The following SIRT1 variants were observed in gnomAD, a reference collection of about 807,000 sequenced individuals.
The protein encoded by SIRT1 is sirtuin 1.
A neutral mutation model predicts 67.9 loss-of-function variants in SIRT1; 24 were observed. The observed-to-expected ratio is 0.35, with a 90% confidence interval of 0.26 to 0.50. The LOEUF (loss-of-function observed/expected upper bound fraction) is 0.50. Ranked by LOEUF, SIRT1 falls within the 20% of genes least tolerant of loss-of-function variation. The pLI is 0.98. For synonymous variants in SIRT1, 378 were observed against 350.7 expected, an observed-to-expected ratio of 1.08 and a Z score of -0.87; for missense variants, 873 against 937.2, an observed-to-expected ratio of 0.93 and a Z score of 0.89.
chr10:67,892,351 A>C (rs1379090400), intron 4 of SIRT1, among the ~76,000 whole-genome samples: 1 of 152,174 alleles, frequency 6.6e-6, no homozygotes, highest in African/African-American at 2.4e-5. Context: ...TGGGAGGATC[A>C]GTTGAGCCCA....
chr10:67,885,032 G>A lies in SIRT1; in HGVS notation c.311G>A (p.Gly104Glu). 1 of 1,378,128 alleles carries A rather than the reference G, an allele frequency of 7.3e-7. No individual in the cohort carries two copies. The highest frequency in any genetic ancestry group is 9.5e-7 in the Non-Finnish European group (1 of 1,056,736). 85.4% of individuals were successfully genotyped at this position (1,378,128 alleles called of 1,614,324 possible). Residue 104 changes from glycine (G) to glutamate (E), a missense_variant, in exon 1 of 9, where the codon GGG (glycine) becomes GAG (glutamate). Gly to Glu is a moderately conservative substitution (Grantham distance 98). Around this residue, in one of 3 missense-constraint regions of SIRT1, gnomAD observed 327 missense variants for 283.9 expected, o/e 1.15. Coordinates refer to ENST00000212015, the MANE Select transcript of SIRT1 (RefSeq NM_012238.5). ...GCGGCGGCTGGGGAAGGAGACAATG[G>A]GCCGGGCCTGCAGGGCCCATCTCGG... The part of the protein sequence containing the change: ...ATAAAGEGDN[G>E]PGLQGPSREP...
intron 7 of SIRT1, 38 bp downstream of exon 7, chr10:67,909,480 A>G (rs768430960): frequency 6.5e-7 from 1 of 1,546,818 alleles, no homozygotes; most frequent in East Asian, 2.3e-5. Context: ...ATTTCTATAT[A>G]TAATGTCATG....
intron 4 of SIRT1, among the ~76,000 whole-genome samples, chr10:67,894,190 T>C (rs891714512): frequency 1.3e-5 from 2 of 152,182 alleles, no homozygotes; most frequent in African/African-American, 4.8e-5. Flanking sequence ...GTGGGAAAAT[T>C]ATATTAATTC....
intron 4 of SIRT1, among the ~76,000 whole-genome samples, chr10:67,903,156 C>T (rs1034588478): frequency 5.9e-5 from 9 of 152,072 alleles, no homozygotes; most frequent in Non-Finnish European, 8.8e-5. Flanking sequence ...TCCATTGGCA[C>T]GATCATAGAG....
rs768615800 is a variant in SIRT1 at position 67,888,872 on chromosome 10, C to T, written c.548-10C>T. On this transcript the variant is annotated splice_polypyrimidine_tract_variant and intron_variant, in intron 2 of 8. Transcript: ENST00000212015. ...TAAGTTGACTTTAAGCCTTTTCCCCCTTATTGTAGGTCCATATACTTTTGT... is the reference window on the plus strand; with the variant it reads ...TAAGTTGACTTTAAGCCTTTTCCCCTTTATTGTAGGTCCATATACTTTTGT... 1 of 1,585,196 alleles carries T rather than the reference C, an allele frequency of 6.3e-7. No homozygotes were observed. The highest frequency in any genetic ancestry group is 1.3e-5 in the African/African-American group (1 of 74,190).
intron 4 of SIRT1, among the ~76,000 whole-genome samples, chr10:67,896,439 C>A (rs1042832561): frequency 1.3e-5 from 2 of 152,172 alleles, no homozygotes; most frequent in African/African-American, 4.8e-5. Context: ...CCACTGCACC[C>A]GGCCTTGGGC....
At position 67,909,394 on chromosome 10, in the gene SIRT1, A is replaced by G. The variant is rs1257460794; in HGVS notation, c.1309A>G (p.Ile437Val). ...KYDKDEVDLL[I>V]VIGSSLKVRP... ...TGACAAAGATGAAGTTGACCTCCTC[A>G]TTGTTATTGGGTCTTCCCTCAAAGT... Residue 437 changes from isoleucine (I) to valine (V), a missense_variant, in exon 7 of 9, where the codon ATT (isoleucine) becomes GTT (valine). Coordinates refer to ENST00000212015, the MANE Select transcript of SIRT1 (RefSeq NM_012238.5). The G allele has an allele frequency of 1.2e-6, 2 of 1,613,270 alleles. No individual in the cohort carries two copies. The highest frequency in any genetic ancestry group is 2.2e-5 in the East Asian group (1 of 44,866).
chr10:67,888,846 A>T (rs373356286), intron 2 of SIRT1, 36 bp from the exon 3 acceptor site: 5 of 1,557,590 alleles, frequency 3.2e-6, no homozygotes, highest in Non-Finnish European at 4.3e-6. Context: ...GAATTACTTG[A>T]TAAGTTGACT....
At chr10:67,891,986 C>T (rs1304458531) in intron 4 of SIRT1, among the ~76,000 whole-genome samples, 2 of 152,138 alleles carry the variant, frequency 1.3e-5, no homozygotes, top group African/African-American at 4.8e-5. Flanking sequence ...TGGGAAGATT[C>T]TTGGGTTGCA....
At chr10:67,893,033 C>T (rs760659675) in intron 4 of SIRT1, among the ~76,000 whole-genome samples, 3 of 152,192 alleles carry the variant, frequency 2.0e-5, no homozygotes, top group Non-Finnish European at 4.4e-5. Flanking sequence ...GAGATTGAGT[C>T]ATTAGAAAAC....
At chr10:67,891,050 A>G (rs561815510) in intron 3 of SIRT1, among the ~76,000 whole-genome samples, 1 of 151,992 alleles carries the variant, frequency 6.6e-6, no homozygotes, top group South Asian at 2.1e-4. Flanking sequence ...AAAACAAAAA[A>G]AAAAAGAAAA....
chr10:67,884,854 G>C lies in SIRT1; in HGVS notation c.133G>C (p.Glu45Gln), dbSNP rs1166840400. Reference sequence around the variant, plus strand: ...GCCGCGGAGAGATGGTCCCGGCCTCGAGCGGAGCCCGGGCGAGCCCGGTGG... The same window carrying C: ...GCCGCGGAGAGATGGTCCCGGCCTCCAGCGGAGCCCGGGCGAGCCCGGTGG... ...KRPRRDGPGLERSPGEPGGAA... is the reference protein window; with the variant it reads ...KRPRRDGPGLQRSPGEPGGAA... The change falls in exon 1 of 9, where the codon GAG becomes CAG. Residue 45 changes from glutamate (E) to glutamine (Q), a missense_variant. This residue lies in a region of SIRT1 where 327 missense variants were observed against 283.9 expected (regional missense o/e 1.15). Coordinates refer to ENST00000212015, the MANE Select transcript of SIRT1 (RefSeq NM_012238.5). 2.5e-6 allele frequency: 3 copies of C among 1,217,714 alleles called. No homozygotes were observed. Among genetic ancestry groups the C allele is most frequent in the Admixed American group, 4.3e-5 (1 of 23,022 alleles). The allele number at this position is 1,217,714 out of a possible 1,614,324, so 75.4% of individuals were successfully genotyped here. A position where few individuals can be genotyped will look rare whatever the true frequency, so the allele number is the denominator to read the frequency against.
At chr10:67,904,857 AAAAG>A (rs1278652371) in intron 4 of SIRT1, among the ~76,000 whole-genome samples, 3 of 135,458 alleles carry the variant, frequency 2.2e-5, no homozygotes, top group African/African-American at 5.2e-5. Flanking sequence ...AAAAAAAAAA[AAAAG>A]CAGGCTTATA....
chr10:67,893,541 C>CT (rs537770097), intron 4 of SIRT1, among the ~76,000 whole-genome samples: 2,636 of 131,422 alleles, frequency 0.02, 63 homozygotes, highest in African/African-American at 0.05. Context: ...ATGAACCTAG[C>CT]TTTTTTTTTT....
Position 67,917,061 on chromosome 10 carries a change from T to TA in SIRT1, c.*469dup, listed in dbSNP as rs1359494198. The TA allele has an allele frequency of 2.2e-4, 34 of 152,702 alleles. No homozygotes were observed. Among genetic ancestry groups the TA allele is most frequent in the Non-Finnish European group, 4.3e-4 (29 of 68,068 alleles). 9.5% of individuals were successfully genotyped at this position (152,702 alleles called of 1,614,324 possible). On this transcript the variant is annotated 3_prime_UTR_variant, in exon 9 of 9. Coordinates refer to ENST00000212015, the MANE Select transcript of SIRT1 (RefSeq NM_012238.5). ...ATGGTTTGAAGTACTCAAAATCTGTTACGCTAAACTTTTGATTCTTTAACA... is the reference window on the plus strand; with the variant it reads ...ATGGTTTGAAGTACTCAAAATCTGTTAACGCTAAACTTTTGATTCTTTAACA...
chr10:67,887,679 C>T (rs1050787181), intron 2 of SIRT1, 146 bp downstream of exon 2: 19 of 528,266 alleles, frequency 3.6e-5, no homozygotes, highest in Admixed American at 6.2e-5. Flanking sequence ...CAGGTTCAAG[C>T]GATTCTCCTG....
rs1426968560 is a variant in SIRT1 at position 67,887,527 on chromosome 10, C to T, written c.541C>T (p.Arg181Trp). 2.5e-6 allele frequency: 4 copies of T among 1,596,460 alleles called. No homozygotes were observed. The highest frequency in any genetic ancestry group is 3.4e-6 in the Non-Finnish European group (4 of 1,164,250). ...ASSSDWTPRP[R>W]IGPYTFVQQH... ...CTCTAGTGACTGGACTCCAAGGCCA[C>T]GGATAGGTATGGCTCAGAGCTGTTA... Residue 181 changes from arginine (R) to tryptophan (W), a missense_variant, in exon 2 of 9, where the codon CGG becomes TGG. Around this residue, in one of 3 missense-constraint regions of SIRT1, gnomAD observed 327 missense variants for 283.9 expected, o/e 1.15. Transcript: ENST00000212015.
In SIRT1 at chr10:67,884,696, A is replaced by G. The variant is rs1842446033; in HGVS notation, c.-26A>G. 6 of 1,227,062 alleles carry G rather than the reference A, an allele frequency of 4.9e-6. No individual in the cohort carries two copies. Among genetic ancestry groups the G allele is most frequent in the Admixed American group, 8.5e-5 (2 of 23,518 alleles). 76.0% of individuals were successfully genotyped at this position (1,227,062 alleles called of 1,614,324 possible). A position where few individuals can be genotyped will look rare whatever the true frequency, so the allele number is the denominator to read the frequency against. On this transcript the variant is annotated 5_prime_UTR_variant, in exon 1 of 9. Transcript: ENST00000212015. ...CGAGCGGGAGCAGAGGAGGCGAGGG[A>G]GGAGGGCCAGAGAGGCAGTTGGAAG...
chr10:67,904,114 GTTTT>G (rs371262925), intron 4 of SIRT1, among the ~76,000 whole-genome samples: 1 of 135,892 alleles, frequency 7.4e-6, no homozygotes, highest in Admixed American at 7.3e-5. Context: ...AGATTTTTTA[GTTTT>G]TTTTGTTTGT....
Sources: gnomAD v4.1 joint callset for allele counts (sites outside exome capture counted in the v4.1 genomes callset) on GRCh38, gnomAD v4.1.1 for gene constraint, gnomAD v4.1.1 regional missense constraint, MANE v1.5 for transcripts, NCBI Gene and HGNC (gene_info 2026-07-23, HGNC 2026-07-21) for gene names.